Variants in NRP2 observed in about 807,000 individuals in gnomAD.
The protein encoded by NRP2 is neuropilin-2.
A neutral mutation model predicts 110.4 loss-of-function variants in NRP2; 52 were observed. That is an observed-to-expected ratio of 0.47 (90% CI 0.38 to 0.59). NRP2 has a LOEUF of 0.59. Ranked by LOEUF, NRP2 falls within the 20% of genes least tolerant of loss-of-function variation. The probability of loss-of-function intolerance (pLI) is 0.00; values close to 1 mark genes in which losing one functional copy is unlikely to be tolerated. For synonymous variants in NRP2, 508 were observed against 468.9 expected (o/e 1.08, Z -1.08); for missense variants, 1,049 against 1,203.0 (o/e 0.87, Z 1.89).
At chr2:205,736,203 T>A (rs559114837) in intron 7 of NRP2, among the ~76,000 whole-genome samples, 6 of 151,938 alleles carry the variant, frequency 3.9e-5, no homozygotes, top group African/African-American at 1.4e-4. Context: ...TTAGCCAGGC[T>A]TGGTGGCGCA....
chr2:205,788,118 A>C (rs1183441177), intron 15 of NRP2, among the ~76,000 whole-genome samples: 2 of 152,058 alleles, frequency 1.3e-5, no homozygotes, highest in African/African-American at 4.8e-5. Flanking sequence ...AAAAATCAGG[A>C]CAGCAGGAGA....
chr2:205,755,017 GC>G (rs964109347), intron 12 of NRP2, among the ~76,000 whole-genome samples: 11 of 152,190 alleles, frequency 7.2e-5, no homozygotes, highest in African/African-American at 2.7e-4. Context: ...AGGCCACAAG[GC>G]CACCAATTAC....
chr2:205,706,083 C>A (rs1166502307), intron 2 of NRP2, among the ~76,000 whole-genome samples: 2 of 152,114 alleles, frequency 1.3e-5, no homozygotes, highest in Admixed American at 1.3e-4. Flanking sequence ...CACAGCCCCG[C>A]TCACCATCCT....
intron 12 of NRP2, among the ~76,000 whole-genome samples, chr2:205,753,973 T>A (rs1559349574): frequency 6.6e-6 from 1 of 152,252 alleles, no homozygotes; most frequent in Non-Finnish European, 1.5e-5. Context: ...CTTTGTTTTT[T>A]AATACAATTT....
At position 205,724,779 on chromosome 2, in the gene NRP2, G is replaced by A. The variant is rs554944748; in HGVS notation, c.820+839G>A. Among the ~76,000 whole-genome samples, 16 of 144,802 alleles carry A rather than the reference G, an allele frequency of 1.1e-4. No individual in the cohort carries two copies. In the East Asian group the frequency reaches 3.3e-3, roughly 30 times the overall value. The allele number at this position is 144,802 out of a possible 152,430, so 95.0% of individuals were successfully genotyped here. A position where few individuals can be genotyped will look rare whatever the true frequency, so the allele number is the denominator to read the frequency against. Reference sequence around the variant, plus strand: ...CCTCCCGGGTTTAAGCAATTCTCGTGTCTCAGCCTCCCGAGTAGCTGGAAC... The same window carrying A: ...CCTCCCGGGTTTAAGCAATTCTCGTATCTCAGCCTCCCGAGTAGCTGGAAC... On this transcript the variant is annotated intron_variant, in intron 5 of 16. Transcript: ENST00000357785.
chr2:205,718,762 C>T (rs899341301), intron 3 of NRP2, among the ~76,000 whole-genome samples: 3 of 151,922 alleles, frequency 2.0e-5, no homozygotes, highest in African/African-American at 7.3e-5. Flanking sequence ...GCCAACATGG[C>T]GAAACCTGGT....
chr2:205,695,305 G>C (rs545175071), intron 1 of NRP2, among the ~76,000 whole-genome samples: 1 of 152,242 alleles, frequency 6.6e-6, no homozygotes, highest in African/African-American at 2.4e-5. Flanking sequence ...TTTTTGTGTG[G>C]TGGTGGTGAA....
chr2:205,723,863 C>A lies in NRP2; in HGVS notation c.743C>A (p.Thr248Asn), dbSNP rs781613975. The change falls in exon 5 of 17, where the codon ACC becomes AAC. Residue 248 changes from threonine (T) to asparagine (N), a missense_variant. Transcript: ENST00000357785. ...TCATCGACGGGGATCCTCTCCCTGA[C>A]CTTTCACACGGACATGGCGGTGGCC... ...LRSSTGILSLTFHTDMAVAKD... is the reference protein window; with the variant it reads ...LRSSTGILSLNFHTDMAVAKD... The A allele has an allele frequency of 6.2e-7, 1 of 1,614,218 alleles. No individual in the cohort carries two copies. Among genetic ancestry groups the A allele is most frequent in the East Asian group, 2.2e-5 (1 of 44,872 alleles).
chr2:205,747,500 G>T (rs1025306230), intron 10 of NRP2, among the ~76,000 whole-genome samples: 3 of 152,182 alleles, frequency 2.0e-5, no homozygotes, highest in Non-Finnish European at 2.9e-5. Flanking sequence ...TGAAACAAAA[G>T]GTTCCCAAAG....
At position 205,743,428 on chromosome 2, in the gene NRP2, C is replaced by T. The variant is rs775117252; in HGVS notation, c.1517C>T (p.Ala506Val). ...KTVKGVIIQG[A>V]RGGDSITAVE... Reference sequence around the variant, plus strand: ...GTGAAAGGTGTCATCATCCAGGGAGCCCGCGGAGGAGACAGTATCACTGCT... The same window carrying T: ...GTGAAAGGTGTCATCATCCAGGGAGTCCGCGGAGGAGACAGTATCACTGCT... The change falls in exon 9 of 17, where the codon GCC becomes GTC. Residue 506 changes from alanine to valine, a missense_variant. By Grantham distance (64) the Ala-to-Val change is moderately conservative. Coordinates refer to ENST00000357785, the MANE Select transcript of NRP2 (RefSeq NM_003872.3). The T allele has an allele frequency of 6.8e-6, 11 of 1,614,096 alleles. No individual in the cohort carries two copies. The highest frequency in any genetic ancestry group is 8.5e-6 in the Non-Finnish European group (10 of 1,180,064).
intron 10 of NRP2, among the ~76,000 whole-genome samples, chr2:205,748,695 A>G (rs1206387859): frequency 6.6e-6 from 1 of 152,190 alleles, no homozygotes; most frequent in East Asian, 1.9e-4. Flanking sequence ...AGGAGCATGT[A>G]TAGAAATGAG....
chr2:205,740,962 C>A (rs2105867225), intron 8 of NRP2, among the ~76,000 whole-genome samples: 1 of 152,150 alleles, frequency 6.6e-6, no homozygotes, highest in African/African-American at 2.4e-5. Flanking sequence ...GGGTATTATT[C>A]TCCTCACTTT....
intron 15 of NRP2, among the ~76,000 whole-genome samples, chr2:205,791,930 C>T (rs981839483): frequency 6.6e-6 from 1 of 152,150 alleles, no homozygotes; most frequent in African/African-American, 2.4e-5. Context: ...TTGAAGGTGC[C>T]TTAAATGAAA....
At chr2:205,769,539 C>CACACACAG (rs1386845022) in intron 15 of NRP2, among the ~76,000 whole-genome samples, 4 of 151,264 alleles carry the variant, frequency 2.6e-5, no homozygotes, top group African/African-American at 7.3e-5. Flanking sequence ...CACACACACA[C>CACACACAG]AGACACATTG....
intron 13 of NRP2, among the ~76,000 whole-genome samples, chr2:205,764,794 C>T (rs570120366): frequency 6.6e-6 from 1 of 152,328 alleles, no homozygotes; most frequent in Admixed American, 6.5e-5. Context: ...CCACCCCCAT[C>T]TGGGTTCCCA....
chr2:205,776,745 CA>C, intron 15 of NRP2: 1 of 1,459,336 alleles, frequency 6.9e-7, no homozygotes, highest in Non-Finnish European at 9.0e-7. Context: ...TCCAAACCAA[CA>C]AACCCAACTC....
At chr2:205,704,828 ACC>A (rs530940769) in intron 2 of NRP2, among the ~76,000 whole-genome samples, 241 of 152,196 alleles carry the variant, frequency 1.6e-3, no homozygotes, top group African/African-American at 5.4e-3. Context: ...CTGCCTCTCC[ACC>A]CTGGCACCTT....
chr2:205,760,202 C>T (rs937048328), intron 12 of NRP2, among the ~76,000 whole-genome samples: 1 of 152,148 alleles, frequency 6.6e-6, no homozygotes, highest in African/African-American at 2.4e-5. Flanking sequence ...TGTGTTCATT[C>T]CTTTCCCCCT....
intron 2 of NRP2, chr2:205,697,964 T>C: frequency 1.8e-6 from 1 of 548,424 alleles, no homozygotes; most frequent in South Asian, 2.0e-5. Context: ...TTAACCTACC[T>C]CCAAAGGCCG....
Sources: gnomAD v4.1 joint callset for allele counts (sites outside exome capture counted in the v4.1 genomes callset) on GRCh38, gnomAD v4.1.1 for gene constraint, MANE v1.5 for transcripts, NCBI Gene and HGNC (gene_info 2026-07-23, HGNC 2026-07-21) for gene names.